The following TAOK1 variants were observed in gnomAD, a reference collection of about 807,000 sequenced individuals.
TAOK1 encodes serine/threonine-protein kinase TAO1.
TAOK1 carries 21 observed loss-of-function variants against 138.3 expected under a neutral mutation model. The ratio of observed to expected loss-of-function variants is 0.15; its 90% CI spans 0.11 to 0.22. The LOEUF (loss-of-function observed/expected upper bound fraction) is 0.22, where lower values mean the gene tolerates loss of function less well. Among genes scored for constraint, TAOK1 ranks in the 10% least tolerant of loss-of-function variants. The pLI, the probability that TAOK1 is intolerant of heterozygous loss-of-function variation, is 1.00. For synonymous variants in TAOK1, 361 were observed against 398.4 expected (o/e 0.91, Z 1.12); for missense variants, 651 against 1,227.7 (o/e 0.53, Z 7.02).
intron 1 of TAOK1, chr17:29,424,796 T>A (rs1905582114): frequency 6.6e-6 from 1 of 152,238 alleles, no homozygotes; most frequent in Admixed American, 6.5e-5. Context: ...TTGTATGTCA[T>A]CCTTGCTCAG....
chr17:29,500,567 AC>A (rs1172142021), intron 12 of TAOK1, among the ~76,000 whole-genome samples: 2 of 151,618 alleles, frequency 1.3e-5, no homozygotes, highest in African/African-American at 2.4e-5. Context: ...ATGGTGAAAC[AC>A]CGTCTCTACT....
intron 1 of TAOK1, among the ~76,000 whole-genome samples, chr17:29,393,823 A>G (rs935513542): frequency 1.3e-5 from 2 of 152,202 alleles, no homozygotes; most frequent in African/African-American, 4.8e-5. Context: ...TTCCAAACTA[A>G]AGGATAGTAT....
intron 1 of TAOK1, among the ~76,000 whole-genome samples, chr17:29,434,358 C>T (rs1449339488): frequency 6.6e-6 from 1 of 151,966 alleles, no homozygotes; most frequent in Non-Finnish European, 1.5e-5. Context: ...TTAAAGGAGT[C>T]CCAGAGGTTC....
At chr17:29,392,940 C>G (rs1284442085) in intron 1 of TAOK1, among the ~76,000 whole-genome samples, 1 of 152,036 alleles carries the variant, frequency 6.6e-6, no homozygotes, top group African/African-American at 2.4e-5. Flanking sequence ...TAGTTTCTGT[C>G]ATTTTATATC....
rs34102989 is a variant in TAOK1 at position 29,439,199 on chromosome 17, CTT to C, written c.-94-12239_-94-12238del. On this transcript the variant is annotated intron_variant, in intron 1 of 19. Coordinates refer to ENST00000261716, the MANE Select transcript of TAOK1 (RefSeq NM_020791.4). ...CTCAATTTGTCATGATAATTTCTTT[CTT>C]TTTTTTTTTTTTTTTTAAGACTGAT... is the stretch of plus-strand genomic sequence containing the variant. Among the ~76,000 whole-genome samples, 363 of 130,744 alleles carry C rather than the reference CTT, an allele frequency of 2.8e-3. 1 individual carries two copies. The highest frequency in any genetic ancestry group is 6.7e-3 in the African/African-American group (226 of 33,768). The allele number at this position is 130,744 out of a possible 152,430, so 85.8% of individuals were successfully genotyped here.
At chr17:29,454,979 C>T (rs549028235) in intron 2 of TAOK1, among the ~76,000 whole-genome samples, 9 of 152,220 alleles carry the variant, frequency 5.9e-5, no homozygotes, top group African/African-American at 1.9e-4. Flanking sequence ...TACAGTGGCA[C>T]GATCTTTGCT....
intron 1 of TAOK1, among the ~76,000 whole-genome samples, chr17:29,409,308 C>CATATATATATATATAT (rs1183993280): frequency 1.9e-4 from 15 of 79,486 alleles, no homozygotes; most frequent in African/African-American, 8.5e-4. Context: ...TTTTTATGGA[C>CATATATATATATATAT]ATATATATAT....
intron 1 of TAOK1, among the ~76,000 whole-genome samples, chr17:29,403,520 A>G (rs1904909860): frequency 6.6e-6 from 1 of 152,144 alleles, no homozygotes; most frequent in African/African-American, 2.4e-5. Flanking sequence ...TGTATAGTAT[A>G]TGTTGTTTTA....
chr17:29,423,468 C>T (rs1003620348), intron 1 of TAOK1, among the ~76,000 whole-genome samples: 8 of 151,928 alleles, frequency 5.3e-5, no homozygotes, highest in East Asian at 3.9e-4. Flanking sequence ...CCACCTGCCT[C>T]GGCCTCCCAA....
chr17:29,519,064 G>T (rs2031870648), intron 16 of TAOK1, among the ~76,000 whole-genome samples: 1 of 152,122 alleles, frequency 6.6e-6, no homozygotes, highest in Non-Finnish European at 1.5e-5. Flanking sequence ...ACAGTGGCCA[G>T]CCTTGATTTT....
intron 6 of TAOK1, among the ~76,000 whole-genome samples, chr17:29,478,897 G>A (rs2031000057): frequency 6.6e-6 from 1 of 152,160 alleles, no homozygotes; most frequent in Non-Finnish European, 1.5e-5. Context: ...TAGGCAGGTG[G>A]ATCACTTGAG....
At chr17:29,468,532 G>A (rs1598493996) in intron 3 of TAOK1, among the ~76,000 whole-genome samples, 1 of 151,330 alleles carries the variant, frequency 6.6e-6, no homozygotes, top group Non-Finnish European at 1.5e-5. Flanking sequence ...GTACTTGACA[G>A]TAAATTATAC....
At chr17:29,521,009 G>T (rs2031905168) in intron 16 of TAOK1, among the ~76,000 whole-genome samples, 1 of 151,668 alleles carries the variant, frequency 6.6e-6, no homozygotes, top group African/African-American at 2.4e-5. Context: ...CTGGTCGACA[G>T]AGTGACACTC....
chr17:29,518,758 A>AT (rs1439647839), intron 16 of TAOK1, among the ~76,000 whole-genome samples: 12 of 44,036 alleles, frequency 2.7e-4, no homozygotes, highest in Admixed American at 4.9e-4. Flanking sequence ...TACTTTATCT[A>AT]TTTATTTATT....
intron 1 of TAOK1, among the ~76,000 whole-genome samples, chr17:29,424,608 AAAGGAGGTC>A (rs1476613891): frequency 4.6e-5 from 7 of 152,110 alleles, no homozygotes; most frequent in Non-Finnish European, 1.0e-4. Flanking sequence ...TTATCAGAAA[AAAGGAGGTC>A]AATAGTAGGA....
Position 29,411,558 on chromosome 17 carries a change from AT to A in TAOK1, c.-95+20546del, listed in dbSNP as rs953956539. ...AGGCACACACCGCCATGCCTGGCTA[AT>A]TTTTTTTTTTTGTGGTAGCGATGGT... is the stretch of plus-strand genomic sequence containing the variant. On this transcript the variant is annotated intron_variant, in intron 1 of 19. Transcript: ENST00000261716. Among the ~76,000 whole-genome samples the A allele has an allele frequency of 1.2e-3, 171 of 144,600 alleles. 1 individual carries two copies. Among genetic ancestry groups the A allele is most frequent in the Middle Eastern group, 3.7e-3 (1 of 272 alleles). The allele number at this position is 144,600 out of a possible 152,430, so 94.9% of individuals were successfully genotyped here.
intron 1 of TAOK1, among the ~76,000 whole-genome samples, chr17:29,427,925 CAAAA>C (rs34918500): frequency 1.5e-4 from 17 of 114,994 alleles, no homozygotes; most frequent in Non-Finnish European, 1.1e-4. Context: ...GACTCTGTCT[CAAAA>C]AAAAAAAAAA....
intron 1 of TAOK1, among the ~76,000 whole-genome samples, chr17:29,430,583 C>A (rs1191802528): frequency 6.6e-6 from 1 of 152,178 alleles, no homozygotes; most frequent in Non-Finnish European, 1.5e-5. Flanking sequence ...CAGGAAAGGT[C>A]AAAGGGAGTC....
intron 16 of TAOK1, among the ~76,000 whole-genome samples, chr17:29,518,304 G>A (rs535970898): frequency 6.6e-6 from 1 of 152,302 alleles, no homozygotes; most frequent in African/African-American, 2.4e-5. Context: ...ACAAATCCCT[G>A]TCTCTACAAA....
Sources: gnomAD v4.1 joint callset for allele counts (sites outside exome capture counted in the v4.1 genomes callset) on GRCh38, gnomAD v4.1.1 for gene constraint, MANE v1.5 for transcripts, NCBI Gene and HGNC (gene_info 2026-07-23, HGNC 2026-07-21) for gene names.